The following ADK variants were observed in gnomAD, a reference collection of about 807,000 sequenced individuals.
ADK encodes the protein adenosine kinase.
In ADK, 24 loss-of-function variants were observed where a neutral mutation model predicts 44.7. The observed-to-expected ratio is 0.54, with a 90% confidence interval of 0.39 to 0.76. The LOEUF (loss-of-function observed/expected upper bound fraction) is 0.76, where lower values mean the gene tolerates loss of function less well. Ranked by LOEUF, ADK falls within the 30% of genes least tolerant of loss-of-function variation. The pLI, the probability that ADK is intolerant of heterozygous loss-of-function variation, is 0.00. For synonymous variants in ADK, 128 were observed against 142.6 expected (o/e 0.90, Z 0.73); for missense variants, 321 against 425.1 (o/e 0.76, Z 2.15).
intron 7 of ADK, among the ~76,000 whole-genome samples, chr10:74,532,565 G>A (rs922177974): frequency 4.7e-5 from 7 of 150,516 alleles, no homozygotes; most frequent in African/African-American, 1.7e-4. Flanking sequence ...ATTATCAAAA[G>A]CATGATCATC....
chr10:74,639,555 G>T (rs1423809682), intron 9 of ADK, among the ~76,000 whole-genome samples: 1 of 152,166 alleles, frequency 6.6e-6, no homozygotes, highest in Non-Finnish European at 1.5e-5. Context: ...TAGCAAGAGA[G>T]GCTGGGCACA....
intron 6 of ADK, among the ~76,000 whole-genome samples, chr10:74,458,303 T>G (rs866593987): frequency 4.2e-4 from 61 of 146,968 alleles, no homozygotes; most frequent in Admixed American, 2.4e-3. Flanking sequence ...GGTTTTGTTT[T>G]TTTTTTTTTT....
chr10:74,242,845 C>T (rs189217991), intron 3 of ADK, among the ~76,000 whole-genome samples: 9 of 152,298 alleles, frequency 5.9e-5, no homozygotes, highest in Non-Finnish European at 1.2e-4. Context: ...GGCTTGACTT[C>T]GGGGAAGAGA....
At chr10:74,253,108 G>C (rs986810585) in intron 3 of ADK, among the ~76,000 whole-genome samples, 3 of 152,174 alleles carry the variant, frequency 2.0e-5, no homozygotes, top group African/African-American at 7.2e-5. Context: ...AGCCCGTGAG[G>C]GTTCTTGGCT....
chr10:74,541,796 C>CCT (rs1849643333), intron 7 of ADK, among the ~76,000 whole-genome samples: 1 of 108,326 alleles, frequency 9.2e-6, no homozygotes, highest in South Asian at 3.7e-4. Context: ...CCCCACACAC[C>CCT]CCCCCCCCCT....
chr10:74,392,235 C>T (rs1274993925), intron 4 of ADK, among the ~76,000 whole-genome samples: 1 of 152,142 alleles, frequency 6.6e-6, no homozygotes, highest in African/African-American at 2.4e-5. Flanking sequence ...TCAGGAACTT[C>T]CATACCATTT....
rs149093768 is a variant in ADK, at chr10:74,357,131, C to T, written c.274-37010C>T. 3.9e-3 allele frequency among the ~76,000 whole-genome samples: 587 copies of T among 152,304 alleles called. 3 individuals carry two copies. The highest frequency in any genetic ancestry group is 9.2e-3 in the Admixed American group (140 of 15,294). ...CTCATGGAGATTGGAGCTCAGGGAA[C>T]TGGTCTAAATATATTGTTCTAGGTG... On this transcript the variant is annotated intron_variant, in intron 4 of 10. Coordinates refer to ENST00000539909, the MANE Select transcript of ADK (RefSeq NM_006721.4).
At chr10:74,584,203 T>C (rs1400864939) in intron 7 of ADK, among the ~76,000 whole-genome samples, 1 of 152,232 alleles carries the variant, frequency 6.6e-6, no homozygotes, top group African/African-American at 2.4e-5. Flanking sequence ...ATTAAAGTAC[T>C]CTAGGTGCTC....
In ADK at chr10:74,416,031, TATACAC is replaced by T. The variant is rs769076987; in HGVS notation, c.555+17454_555+17459del. 2.5e-3 allele frequency among the ~76,000 whole-genome samples: 208 copies of T among 82,862 alleles called. 1 individual carries two copies. The highest frequency in any genetic ancestry group is 9.8e-3 in the Middle Eastern group (1 of 102). The allele number at this position is 82,862 out of a possible 152,430, so 54.4% of individuals were successfully genotyped here. A position where few individuals can be genotyped will look rare whatever the true frequency, so the allele number is the denominator to read the frequency against. ...ATTTATATATACACACACATACATATATACACACACACACACACACACACACACACA... is the reference window on the plus strand; with the variant it reads ...ATTTATATATACACACACATACATATACACACACACACACACACACACACA... On this transcript the variant is annotated intron_variant, in intron 6 of 10. Coordinates refer to ENST00000539909, the MANE Select transcript of ADK (RefSeq NM_006721.4).
At chr10:74,469,338 C>G (rs1316427369) in intron 6 of ADK, among the ~76,000 whole-genome samples, 2 of 152,098 alleles carry the variant, frequency 1.3e-5, no homozygotes, top group African/African-American at 4.8e-5. Context: ...GCCCTTGTCT[C>G]AAAAGAAAAA....
intron 3 of ADK, among the ~76,000 whole-genome samples, chr10:74,306,028 C>G (rs1379496464): frequency 2.0e-5 from 3 of 151,890 alleles, no homozygotes; most frequent in African/African-American, 7.3e-5. Flanking sequence ...CCTGGTCAAG[C>G]CATTATTTTT....
chr10:74,224,736 C>T (rs1480986306), intron 3 of ADK, 145 bp downstream of exon 3: 1 of 705,304 alleles, frequency 1.4e-6, no homozygotes, highest in African/African-American at 1.8e-5. Context: ...TTATGATAAC[C>T]TACACTATAT....
At chr10:74,633,535 A>T (rs7089625) in intron 9 of ADK, among the ~76,000 whole-genome samples, 3,024 of 152,282 alleles carry the variant, frequency 0.02, 102 homozygotes, top group African/African-American at 0.069. Flanking sequence ...ATGGATTACC[A>T]CTCAACTCAA....
At chr10:74,178,236 C>G (rs12359456) in intron 1 of ADK, among the ~76,000 whole-genome samples, 19,815 of 152,130 alleles carry the variant, frequency 0.13, 1,292 homozygotes, top group Middle Eastern at 0.21. Context: ...GCCACCGCTA[C>G]TGGTCTAAAT....
chr10:74,649,220 A>G (rs1854165941), intron 9 of ADK, among the ~76,000 whole-genome samples: 1 of 152,210 alleles, frequency 6.6e-6, no homozygotes, highest in Non-Finnish European at 1.5e-5. Flanking sequence ...CTCAAAAAAC[A>G]AAAAAAGAAA....
chr10:74,611,504 T>C (rs75805186), intron 9 of ADK, among the ~76,000 whole-genome samples: 1 of 151,380 alleles, frequency 6.6e-6, no homozygotes, highest in Admixed American at 6.6e-5. Context: ...TTTTTTTTTT[T>C]AATTTTAGAA....
chr10:74,344,598 A>G (rs1841698769), intron 4 of ADK: 1 of 253,122 alleles, frequency 4.0e-6, no homozygotes, highest in Admixed American at 4.1e-5. Context: ...TCTGCTGAAT[A>G]TTACATTCCT....
At chr10:74,383,178 C>T (rs974180051) in intron 4 of ADK, among the ~76,000 whole-genome samples, 1 of 151,974 alleles carries the variant, frequency 6.6e-6, no homozygotes, top group African/African-American at 2.4e-5. Flanking sequence ...AACCTTATGC[C>T]AGATTCTATG....
At chr10:74,229,752 TC>T (rs1035509040) in intron 3 of ADK, among the ~76,000 whole-genome samples, 1 of 152,134 alleles carries the variant, frequency 6.6e-6, no homozygotes, top group African/African-American at 2.4e-5. Flanking sequence ...TTTGAAATCA[TC>T]AAGATCATAG....
Sources: allele counts gnomAD v4.1 joint callset (sites outside exome capture counted in the v4.1 genomes callset), GRCh38; gene constraint gnomAD v4.1.1; transcripts MANE v1.5; gene names NCBI Gene and HGNC (gene_info 2026-07-23, HGNC 2026-07-21).